The following ZNF440 variants were observed in gnomAD, a reference collection of about 807,000 sequenced individuals.
ZNF440 encodes the protein zinc finger protein 440.
Under a neutral mutation model 49.7 loss-of-function variants are expected in ZNF440, and 47 were observed. The observed-to-expected ratio is 0.95, with a 90% CI of 0.75 to 1.21. ZNF440 has a LOEUF of 1.21. Among genes scored for constraint, ZNF440 ranks in the 50% most tolerant of loss-of-function variants. The pLI is 0.00. For missense variants in ZNF440, 703 were observed against 715.0 expected (o/e 0.98, Z 0.19); for synonymous variants, 255 against 237.7 (o/e 1.07, Z -0.67).
intron 1 of ZNF440, among the ~76,000 whole-genome samples, chr19:11,824,356 G>A (rs1297975593): frequency 3.3e-5 from 5 of 151,988 alleles, no homozygotes; most frequent in Admixed American, 3.3e-4. Context: ...TATTATGTAT[G>A]CACAAAATAC....
chr19:11,833,324 G>A lies in ZNF440; in HGVS notation c.*360G>A. On this transcript the variant is annotated 3_prime_UTR_variant, in exon 4 of 4. Transcript: ENST00000304060. ...GATGCACAGAGGAGAGAAGCTCTGT[G>A]AATGTAAGCATTGTGGGAAAGCATT... 1 of 514,258 alleles carries A rather than the reference G, an allele frequency of 1.9e-6. No individual in the cohort carries two copies. Among genetic ancestry groups the A allele is most frequent in the South Asian group, 2.0e-5 (1 of 49,316 alleles). 31.9% of individuals were successfully genotyped at this position (514,258 alleles called of 1,614,324 possible).
intron 1 of ZNF440, among the ~76,000 whole-genome samples, chr19:11,821,457 A>G (rs1289832061): frequency 6.6e-6 from 1 of 152,154 alleles, no homozygotes; most frequent in Non-Finnish European, 1.5e-5. Flanking sequence ...TGCTATTGAG[A>G]GAAAAGAGAA....
chr19:11,820,722 G>A (rs2094052841), intron 1 of ZNF440, among the ~76,000 whole-genome samples: 1 of 152,122 alleles, frequency 6.6e-6, no homozygotes, highest in South Asian at 2.1e-4. Flanking sequence ...AATACTTGGG[G>A]TGCTCAGCTT....
At chr19:11,819,539 C>G (rs2145117989) in intron 1 of ZNF440, among the ~76,000 whole-genome samples, 1 of 152,258 alleles carries the variant, frequency 6.6e-6, no homozygotes, top group South Asian at 2.1e-4. Context: ...TCTGGGATTA[C>G]AGGTGCGTAC....
At chr19:11,826,839 T>C (rs185513867) in intron 1 of ZNF440, among the ~76,000 whole-genome samples, 5 of 151,994 alleles carry the variant, frequency 3.3e-5, no homozygotes, top group African/African-American at 9.6e-5. Context: ...ACTGTTTGTA[T>C]TATTAGTAGA....
At position 11,830,650 on chromosome 19, in the gene ZNF440, A is replaced by T; in HGVS notation, c.164A>T (p.Glu55Val). ...TGGAAAGACCAGAACATTGAATATG[A>T]GCACCAAAACCCCAGGAGAAACTTC... ...KRWKDQNIEY[E>V]HQNPRRNFRS... is the part of the protein sequence containing the mutation. Residue 55 changes from glutamate to valine, a missense_variant, in exon 3 of 4, where the codon GAG becomes GTG. Coordinates refer to ENST00000304060, the MANE Select transcript of ZNF440 (RefSeq NM_152357.3). 1.9e-6 allele frequency: 3 copies of T among 1,614,078 alleles called. No homozygotes were observed. In the South Asian group the frequency reaches 3.3e-5, roughly 18 times the overall value.
At chr19:11,819,399 G>T (rs1975771724) in intron 1 of ZNF440, among the ~76,000 whole-genome samples, 1 of 151,810 alleles carries the variant, frequency 6.6e-6, no homozygotes, top group Non-Finnish European at 1.5e-5. Flanking sequence ...TTGTTTGTTT[G>T]TTTTTTTGAT....
chr19:11,825,889 C>T (rs1031715052), intron 1 of ZNF440, among the ~76,000 whole-genome samples: 2 of 148,640 alleles, frequency 1.3e-5, no homozygotes, highest in South Asian at 4.2e-4. Flanking sequence ...AATCTTGGCT[C>T]ACTGCACCCT....
chr19:11,818,065 C>T (rs1975754422), intron 1 of ZNF440, among the ~76,000 whole-genome samples: 2 of 151,910 alleles, frequency 1.3e-5, no homozygotes, highest in African/African-American at 4.8e-5. Context: ...ATTAACTGGG[C>T]ATGGTGGCAT....
chr19:11,823,474 T>C (rs1279943870), intron 1 of ZNF440, among the ~76,000 whole-genome samples: 1 of 152,170 alleles, frequency 6.6e-6, no homozygotes, highest in Non-Finnish European at 1.5e-5. Flanking sequence ...CCTTGTAAAT[T>C]TCATGGACTA....
Position 11,834,143 on chromosome 19 carries a change from CCCAGAAAGAATCT to C in ZNF440, c.*1181_*1193del, listed in dbSNP as rs1975989569. On this transcript the variant is annotated 3_prime_UTR_variant, in exon 4 of 4. Coordinates refer to ENST00000304060, the MANE Select transcript of ZNF440 (RefSeq NM_152357.3). ...AATTTTTCTTTCTTTTTTTTTTTCC[CCCAGAAAGAATCT>C]CACTCTGTCACCCAGGCTGGAGTGC... The C allele has an allele frequency of 3.5e-6, 1 of 288,544 alleles. No homozygotes were observed. The highest frequency in any genetic ancestry group is 1.6e-4 in the South Asian group (1 of 6,070). The allele number at this position is 288,544 out of a possible 1,614,324, so 17.9% of individuals were successfully genotyped here.
intron 1 of ZNF440, among the ~76,000 whole-genome samples, chr19:11,818,648 C>G (rs897289013): frequency 1.4e-4 from 22 of 152,106 alleles, no homozygotes; most frequent in African/African-American, 4.6e-4. Context: ...CTCCCCGGCT[C>G]AAGCACCTCC....
chr19:11,815,326 A>ACACACACACAC (rs1568237555), intron 1 of ZNF440, among the ~76,000 whole-genome samples: 48 of 150,454 alleles, frequency 3.2e-4, no homozygotes, highest in Non-Finnish European at 4.7e-4. Context: ...ACACACACAC[A>ACACACACACAC]AATTAAATAG....
At chr19:11,819,121 A>C (rs1975767746) in intron 1 of ZNF440, among the ~76,000 whole-genome samples, 1 of 152,144 alleles carries the variant, frequency 6.6e-6, no homozygotes, top group African/African-American at 2.4e-5. Flanking sequence ...CAGCCTGGGC[A>C]ACATAGTGAG....
At chr19:11,830,939 T>A (rs148550018) in intron 3 of ZNF440, among the ~76,000 whole-genome samples, 1,868 of 152,194 alleles carry the variant, frequency 0.012, 30 homozygotes, top group African/African-American at 0.04. Context: ...CGAGACCACA[T>A]ATCAACAACA....
In ZNF440 at chr19:11,831,799, C is replaced by A; in HGVS notation, c.623C>A (p.Ala208Glu). 1 of 1,609,320 alleles carries A rather than the reference C, an allele frequency of 6.2e-7. No individual in the cohort carries two copies. The highest frequency in any genetic ancestry group is 8.5e-7 in the Non-Finnish European group (1 of 1,176,464). ...GPYKCKFCGK[A>E]FHCLRLYLIH... Reference sequence around the variant, plus strand: ...TATAAATGTAAGTTTTGTGGGAAAGCATTCCATTGTCTCAGATTATATCTT... The same window carrying A: ...TATAAATGTAAGTTTTGTGGGAAAGAATTCCATTGTCTCAGATTATATCTT... The change falls in exon 4 of 4, where the codon GCA becomes GAA. Residue 208 changes from alanine (A) to glutamate (E), a missense_variant. Ala to Glu is a moderately radical substitution (Grantham distance 107, BLOSUM62 -1). Coordinates refer to ENST00000304060, the MANE Select transcript of ZNF440 (RefSeq NM_152357.3).
intron 1 of ZNF440, among the ~76,000 whole-genome samples, chr19:11,825,443 ATCATACC>A (rs140027118): frequency 0.031 from 4,737 of 152,228 alleles, 176 homozygotes; most frequent in African/African-American, 0.088. Context: ...GCTCCTTCTA[ATCATACC>A]TCTCCCCTCC....
chr19:11,814,397 C>T lies in ZNF440; in HGVS notation c.-51C>T, dbSNP rs371346286. ...TCTGTAACCTGCACTGTGACCTACA[C>T]TAGTCGCGGGAGCCACGCAGAGGAC... is the stretch of plus-strand genomic sequence containing the variant. On this transcript the variant is annotated 5_prime_UTR_variant, in exon 1 of 4. Transcript: ENST00000304060. 8 of 1,555,380 alleles carry T rather than the reference C, an allele frequency of 5.1e-6. No individual in the cohort carries two copies. Among genetic ancestry groups the T allele is most frequent in the African/African-American group, 1.4e-5 (1 of 70,602 alleles).
chr19:11,830,158 G>A, intron 1 of ZNF440, 125 bp from the exon 2 acceptor site: 1 of 1,519,068 alleles, frequency 6.6e-7, no homozygotes. Flanking sequence ...AAAGAGATCT[G>A]ATGACCAAAG....
Sources: gnomAD v4.1 joint callset for allele counts (sites outside exome capture counted in the v4.1 genomes callset) on GRCh38, gnomAD v4.1.1 for gene constraint, MANE v1.5 for transcripts, NCBI Gene and HGNC (gene_info 2026-07-23, HGNC 2026-07-21) for gene names.